The following RGS18 variants were observed in gnomAD, a reference collection of about 807,000 sequenced individuals.
RGS18 encodes the protein regulator of G protein signaling 18.
Under a neutral mutation model 27.6 loss-of-function variants are expected in RGS18, and 22 were observed. The observed-to-expected ratio is 0.80, with a 90% confidence interval of 0.57 to 1.14. The LOEUF is 1.14. Ranked by LOEUF, RGS18 falls within the 50% of genes most tolerant of loss-of-function variation. The pLI is 0.00. For synonymous variants in RGS18, 89 were observed against 84.6 expected, an observed-to-expected ratio of 1.05 and a Z score of -0.29; for missense variants, 299 against 269.6, an observed-to-expected ratio of 1.11 and a Z score of -0.76.
At chr1:192,160,631 T>C (rs184958453) in intron 3 of RGS18, 192 bp downstream of exon 3, 11 of 514,224 alleles carry the variant, frequency 2.1e-5, no homozygotes, top group African/African-American at 1.9e-4. Flanking sequence ...GTTCTCATTT[T>C]GTTTAGAATT....
intron 3 of RGS18, 116 bp downstream of exon 3, chr1:192,160,555 T>A: frequency 1.6e-6 from 1 of 637,890 alleles, no homozygotes; most frequent in Non-Finnish European, 2.8e-6. Context: ...TAATTTTCAG[T>A]AATTCAATTT....
At position 192,158,543 on chromosome 1, in the gene RGS18, C is replaced by G; in HGVS notation, c.-95C>G. On this transcript the variant is annotated 5_prime_UTR_variant, in exon 1 of 5. Transcript: ENST00000367460. ...AACATTACTGTAAGAGTTGTGATAA[C>G]TTTTTATTCTACTATGTATATGTAT... 9.0e-7 allele frequency: 1 copy of G among 1,105,276 alleles called. No homozygotes were observed. The highest frequency in any genetic ancestry group is 1.2e-6 in the Non-Finnish European group (1 of 836,186). The allele number at this position is 1,105,276 out of a possible 1,614,324, so 68.5% of individuals were successfully genotyped here.
At chr1:192,164,676 G>A (rs1028639877) in intron 3 of RGS18, among the ~76,000 whole-genome samples, 2 of 152,118 alleles carry the variant, frequency 1.3e-5, no homozygotes, top group African/African-American at 2.4e-5. Flanking sequence ...CTACCTTCTT[G>A]TTGTGGGAAG....
chr1:192,172,261 T>A (rs1276161000), intron 3 of RGS18, among the ~76,000 whole-genome samples: 1 of 151,990 alleles, frequency 6.6e-6, no homozygotes, highest in Admixed American at 6.6e-5. Flanking sequence ...TTGGTGCAGT[T>A]TTCAGCAATA....
chr1:192,177,354 T>C (rs1236609551), intron 3 of RGS18, among the ~76,000 whole-genome samples: 1 of 151,610 alleles, frequency 6.6e-6, no homozygotes, highest in Non-Finnish European at 1.5e-5. Flanking sequence ...ACACAAAATA[T>C]TTCCTAGAAG....
intron 2 of RGS18, 72 bp from the exon 3 acceptor site, chr1:192,160,306 G>T: frequency 1.2e-6 from 1 of 806,416 alleles, no homozygotes; most frequent in Non-Finnish European, 2.0e-6. Context: ...CAGTAAAATA[G>T]CATATGTTAG....
At chr1:192,178,007 G>A (rs190145800) in intron 3 of RGS18, among the ~76,000 whole-genome samples, 1 of 151,768 alleles carries the variant, frequency 6.6e-6, no homozygotes, top group Non-Finnish European at 1.5e-5. Context: ...TCACCAGTTA[G>A]GAGGTTTTTA....
rs1557940607 is a variant in RGS18, at chr1:192,185,772, A to T, written c.*1218A>T. The T allele has an allele frequency of 6.6e-6, 1 of 151,626 alleles. No homozygotes were observed. Among genetic ancestry groups the T allele is most frequent in the Non-Finnish European group, 1.5e-5 (1 of 67,688 alleles). 9.4% of individuals were successfully genotyped at this position (151,626 alleles called of 1,614,324 possible). A position where few individuals can be genotyped will look rare whatever the true frequency, so the allele number is the denominator to read the frequency against. ...TGTAGTAATAAATATTTTTAACTTC[A>T]TTCATACAGTTAAGTTTATCTGACA... On this transcript the variant is annotated 3_prime_UTR_variant, in exon 5 of 5. Transcript: ENST00000367460.
intron 3 of RGS18, among the ~76,000 whole-genome samples, chr1:192,165,471 C>T (rs1464284947): frequency 1.3e-5 from 2 of 152,158 alleles, no homozygotes; most frequent in Non-Finnish European, 2.9e-5. Flanking sequence ...CACTCCCTCC[C>T]CTTTGAAAAT....
At chr1:192,175,233 C>A (rs962756718) in intron 3 of RGS18, among the ~76,000 whole-genome samples, 1 of 151,612 alleles carries the variant, frequency 6.6e-6, no homozygotes, top group African/African-American at 2.4e-5. Flanking sequence ...TCTGCTATTT[C>A]CAACATTTTA....
At chr1:192,159,846 C>T (rs547823668) in intron 2 of RGS18, among the ~76,000 whole-genome samples, 1 of 152,044 alleles carries the variant, frequency 6.6e-6, no homozygotes, top group Non-Finnish European at 1.5e-5. Flanking sequence ...CAATTCTCCA[C>T]ATTACCAACA....
At chr1:192,160,353 A>T in intron 2 of RGS18, 25 bp from the exon 3 acceptor site, 1 of 1,562,088 alleles carries the variant, frequency 6.4e-7, no homozygotes, top group South Asian at 1.1e-5. Context: ...ACACTCCATT[A>T]TAAAACATTT....
At chr1:192,181,826 TC>T (rs1365782609) in intron 4 of RGS18, among the ~76,000 whole-genome samples, 1 of 151,604 alleles carries the variant, frequency 6.6e-6, no homozygotes, top group African/African-American at 2.4e-5. Flanking sequence ...TACCTGTTGA[TC>T]CATCCTTTCT....
At chr1:192,172,886 T>TATATATATATAA (rs1164920622) in intron 3 of RGS18, among the ~76,000 whole-genome samples, 4 of 144,104 alleles carry the variant, frequency 2.8e-5, no homozygotes, top group African/African-American at 1.0e-4. Flanking sequence ...TATATATAAA[T>TATATATATATAA]ATATATATAT....
chr1:192,176,860 A>G (rs1031114919), intron 3 of RGS18, among the ~76,000 whole-genome samples: 3 of 151,810 alleles, frequency 2.0e-5, no homozygotes, highest in Non-Finnish European at 4.4e-5. Context: ...AGAGCAGTGT[A>G]CCTCCAGAAA....
intron 3 of RGS18, among the ~76,000 whole-genome samples, chr1:192,164,995 G>T (rs760696139): frequency 6.6e-6 from 1 of 152,130 alleles, no homozygotes; most frequent in Non-Finnish European, 1.5e-5. Flanking sequence ...TAACCATTAG[G>T]TCTGACTGCC....
chr1:192,161,097 G>A (rs1391211096), intron 3 of RGS18, among the ~76,000 whole-genome samples: 3 of 152,138 alleles, frequency 2.0e-5, no homozygotes, highest in Admixed American at 1.3e-4. Context: ...TGATCCACCC[G>A]TCTCAGCCTC....
Position 192,184,616 on chromosome 1 carries a change from G to A in RGS18, c.*62G>A. The A allele has an allele frequency of 1.4e-6, 2 of 1,464,516 alleles. No homozygotes were observed. Among genetic ancestry groups the A allele is most frequent in the Middle Eastern group, 3.5e-4 (2 of 5,638 alleles). 90.7% of individuals were successfully genotyped at this position (1,464,516 alleles called of 1,614,324 possible). A position where few individuals can be genotyped will look rare whatever the true frequency, so the allele number is the denominator to read the frequency against. ...TACATCTGCTTCTAACATATCGCAT[G>A]TTTATGTTAAGATTTGGTCCCATCC... On this transcript the variant is annotated 3_prime_UTR_variant, in exon 5 of 5. Coordinates refer to ENST00000367460, the MANE Select transcript of RGS18 (RefSeq NM_130782.3).
At chr1:192,160,881 C>CT (rs1410837713) in intron 3 of RGS18, among the ~76,000 whole-genome samples, 3 of 152,204 alleles carry the variant, frequency 2.0e-5, no homozygotes, top group Non-Finnish European at 2.9e-5. Context: ...GAGACGGAGT[C>CT]TCGCTTTGTC....
Sources: allele counts gnomAD v4.1 joint callset (sites outside exome capture counted in the v4.1 genomes callset), GRCh38; gene constraint gnomAD v4.1.1; transcripts MANE v1.5; gene names NCBI Gene and HGNC (gene_info 2026-07-23, HGNC 2026-07-21).